MEGF11: variants seen among roughly 807,000 people sequenced by gnomAD.
MEGF11 encodes the protein multiple epidermal growth factor-like domains protein 11.
Under a neutral mutation model 146.6 loss-of-function variants are expected in MEGF11, and 126 were observed. The ratio of observed to expected loss-of-function variants is 0.86; its 90% CI spans 0.74 to 1.00. MEGF11 has a LOEUF of 1.00. Ranked by LOEUF, MEGF11 falls within the 50% of genes least tolerant of loss-of-function variation. MEGF11 has a pLI of 0.00. For synonymous variants in MEGF11, 532 were observed against 583.4 expected (o/e 0.91, Z 1.27); for missense variants, 1,509 against 1,521.2 (o/e 0.99, Z 0.13).
chr15:65,897,735 A>T lies in MEGF11; in HGVS notation c.*199T>A, dbSNP rs1596805184. 2.1e-6 allele frequency: 1 copy of T among 466,186 alleles called. No individual in the cohort carries two copies. Among genetic ancestry groups the T allele is most frequent in the East Asian group, 3.4e-5 (1 of 29,334 alleles). The allele number at this position is 466,186 out of a possible 1,614,324, so 28.9% of individuals were successfully genotyped here. A position where few individuals can be genotyped will look rare whatever the true frequency, so the allele number is the denominator to read the frequency against. ...CAGGGCATTTGGGGCTGAGTGGGTG[A>T]TAGGATTTGCCTTTGAGAACACAAT... On this transcript the variant is annotated 3_prime_UTR_variant, in exon 26 of 26. Coordinates refer to ENST00000395614, the MANE Select transcript of MEGF11 (RefSeq NM_001385028.1).
At chr15:66,067,093 G>T (rs2085160791) in intron 5 of MEGF11, among the ~76,000 whole-genome samples, 1 of 152,232 alleles carries the variant, frequency 6.6e-6, no homozygotes, top group Admixed American at 6.5e-5. Context: ...AGGATTCAAT[G>T]AGTTAATACA....
intron 10 of MEGF11, among the ~76,000 whole-genome samples, chr15:65,938,361 T>C (rs1325969668): frequency 6.6e-6 from 1 of 152,240 alleles, no homozygotes; most frequent in Non-Finnish European, 1.5e-5. Flanking sequence ...ATGTGGGAAT[T>C]CTGGGTTGGC....
intron 4 of MEGF11, 72 bp downstream of exon 4, chr15:66,119,014 C>G: frequency 1.1e-6 from 1 of 949,388 alleles, no homozygotes; most frequent in Non-Finnish European, 1.6e-6. Flanking sequence ...AGCCCCACCT[C>G]CCCTCCCCTC....
At chr15:66,173,773 A>G (rs950162843) in intron 1 of MEGF11, among the ~76,000 whole-genome samples, 2 of 152,158 alleles carry the variant, frequency 1.3e-5, no homozygotes, top group Non-Finnish European at 2.9e-5. Flanking sequence ...CGAAGGGTCC[A>G]ACTCACCCTC....
At chr15:65,980,678 C>T in intron 7 of MEGF11, 100 bp downstream of exon 7, 1 of 1,422,982 alleles carries the variant, frequency 7.0e-7, no homozygotes, top group Non-Finnish European at 9.2e-7. Flanking sequence ...GGATTACAGT[C>T]ACGAGTACCA....
At chr15:66,021,510 G>A (rs927308200) in intron 5 of MEGF11, among the ~76,000 whole-genome samples, 2 of 152,196 alleles carry the variant, frequency 1.3e-5, no homozygotes, top group African/African-American at 4.8e-5. Flanking sequence ...CTGTCCTGAA[G>A]GTGAAGTCTG....
At chr15:66,205,020 G>C (rs1165958969) in intron 1 of MEGF11, among the ~76,000 whole-genome samples, 1 of 145,338 alleles carries the variant, frequency 6.9e-6, no homozygotes, top group Non-Finnish European at 1.5e-5. Flanking sequence ...TCCCTGATTT[G>C]GAGCTAAAGA....
rs1392166644 is a variant in MEGF11 at position 65,965,014 on chromosome 15, C to T, written c.1006G>A (p.Glu336Lys). The T allele has an allele frequency of 2.5e-6, 4 of 1,574,678 alleles. No homozygotes were observed. Among genetic ancestry groups the T allele is most frequent in the African/African-American group, 1.3e-5 (1 of 74,142 alleles). ...CSPTTGACECEPGYKGPRCQE... is the reference protein window; with the variant it reads ...CSPTTGACECKPGYKGPRCQE... Reference sequence around the variant, plus strand: ...CAGCGTGGGCCCTTGTAGCCAGGCTCACACTCGCAGGCACCCGTGGTGGGT... The same window carrying T: ...CAGCGTGGGCCCTTGTAGCCAGGCTTACACTCGCAGGCACCCGTGGTGGGT... Residue 336 changes from glutamate to lysine, a missense_variant, in exon 9 of 26, where the codon GAG becomes AAG. By Grantham distance (56) the Glu-to-Lys change is moderately conservative (BLOSUM62 1). Transcript: ENST00000395614.
chr15:66,128,616 G>C (rs2088499081), intron 1 of MEGF11, among the ~76,000 whole-genome samples: 1 of 152,180 alleles, frequency 6.6e-6, no homozygotes, highest in South Asian at 2.1e-4. Context: ...CAGGGGTTCT[G>C]AATGTTTTTT....
At chr15:66,089,606 T>G (rs1422861063) in intron 5 of MEGF11, among the ~76,000 whole-genome samples, 1 of 152,176 alleles carries the variant, frequency 6.6e-6, no homozygotes, top group Non-Finnish European at 1.5e-5. Flanking sequence ...AAGCTTAAAT[T>G]TCCAAGTTAA....
chr15:66,066,570 G>A (rs527724401), intron 5 of MEGF11, among the ~76,000 whole-genome samples: 5 of 152,348 alleles, frequency 3.3e-5, no homozygotes, highest in South Asian at 2.1e-4. Flanking sequence ...AGTGGCCTGC[G>A]TCCAAGTGGA....
chr15:66,212,499 A>T (rs2091486483), intron 1 of MEGF11, among the ~76,000 whole-genome samples: 1 of 152,102 alleles, frequency 6.6e-6, no homozygotes, highest in African/African-American at 2.4e-5. Context: ...TTCTCCTCCT[A>T]GCATGACCAA....
chr15:66,141,708 C>T (rs1451221346), intron 1 of MEGF11, among the ~76,000 whole-genome samples: 1 of 152,074 alleles, frequency 6.6e-6, no homozygotes, highest in Non-Finnish European at 1.5e-5. Flanking sequence ...CTAGGTGGCC[C>T]CGAAGGTCCC....
chr15:65,982,571 C>T lies in MEGF11; in HGVS notation c.395-83G>A. 2.2e-6 allele frequency: 3 copies of T among 1,392,098 alleles called. No individual in the cohort carries two copies. Among genetic ancestry groups the T allele is most frequent in the Non-Finnish European group, 1.9e-6 (2 of 1,072,596 alleles). The allele number at this position is 1,392,098 out of a possible 1,614,324, so 86.2% of individuals were successfully genotyped here. A position where few individuals can be genotyped will look rare whatever the true frequency, so the allele number is the denominator to read the frequency against. On this transcript the variant is annotated intron_variant, in intron 5 of 25. Coordinates refer to ENST00000395614, the MANE Select transcript of MEGF11 (RefSeq NM_001385028.1). The surrounding 1 kb of genome is among the most constrained non-coding windows in gnomAD (Gnocchi z 5.6). ...GGCCAGGAACCGATGCCCATGCGGCCTTCCCATCTTTGCAGCGCTGCTCCC... is the reference window on the plus strand; with the variant it reads ...GGCCAGGAACCGATGCCCATGCGGCTTTCCCATCTTTGCAGCGCTGCTCCC...
At chr15:66,069,520 G>A (rs1388720626) in intron 5 of MEGF11, among the ~76,000 whole-genome samples, 1 of 152,194 alleles carries the variant, frequency 6.6e-6, no homozygotes, top group African/African-American at 2.4e-5. Context: ...AGAGATTGAG[G>A]TAAAGAAGGT....
intron 24 of MEGF11, among the ~76,000 whole-genome samples, chr15:65,901,193 T>C (rs2078486881): frequency 6.6e-6 from 1 of 152,144 alleles, no homozygotes; most frequent in South Asian, 2.1e-4. Flanking sequence ...AACCCCAGCA[T>C]GGCCCATCTG....
chr15:65,926,326 A>C (rs2079371129), intron 13 of MEGF11, among the ~76,000 whole-genome samples: 1 of 152,228 alleles, frequency 6.6e-6, no homozygotes, highest in South Asian at 2.1e-4. Flanking sequence ...GGTGGAGATA[A>C]TCTTTAAAGC....
chr15:66,002,082 G>T (rs900337764), intron 5 of MEGF11, among the ~76,000 whole-genome samples: 1 of 152,110 alleles, frequency 6.6e-6, no homozygotes, highest in Admixed American at 6.5e-5. Context: ...GATTGGGTGA[G>T]CACAGATCTT....
intron 1 of MEGF11, among the ~76,000 whole-genome samples, chr15:66,140,852 G>A (rs1171908363): frequency 2.6e-5 from 4 of 152,180 alleles, no homozygotes; most frequent in South Asian, 2.1e-4. Context: ...GAGCTCAGCC[G>A]GGTATTGGGT....
Sources: gnomAD v4.1 joint callset for allele counts (sites outside exome capture counted in the v4.1 genomes callset) on GRCh38, gnomAD v4.1.1 for gene constraint, Gnocchi (gnomAD v3.1) non-coding constraint, MANE v1.5 for transcripts, NCBI Gene and HGNC (gene_info 2026-07-23, HGNC 2026-07-21) for gene names.